DLC1: variants seen among roughly 807,000 people sequenced by gnomAD.
DLC1 encodes the protein rho GTPase-activating protein 7.
Under a neutral mutation model 140.3 loss-of-function variants are expected in DLC1, and 54 were observed. The observed-to-expected ratio is 0.38, with a 90% confidence interval of 0.31 to 0.48. The LOEUF is 0.48. DLC1 is among the 20% of genes least tolerant of loss of function. DLC1 has a pLI of 0.96. For synonymous variants in DLC1, 986 were observed against 728.1 expected, an observed-to-expected ratio of 1.35 and a Z score of -5.70; for missense variants, 2,536 against 1,907.0, an observed-to-expected ratio of 1.33 and a Z score of -6.14.
At chr8:13,457,524 A>G (rs1799451735) in intron 2 of DLC1, among the ~76,000 whole-genome samples, 1 of 151,820 alleles carries the variant, frequency 6.6e-6, no homozygotes. Context: ...CAAAACTACA[A>G]AAATTAGCCG....
chr8:13,586,046 C>G (rs1170240783), intron 1 of DLC1, among the ~76,000 whole-genome samples: 2 of 152,140 alleles, frequency 1.3e-5, no homozygotes, highest in East Asian at 1.9e-4. Context: ...TCAACCATGG[C>G]TGCACATTAT....
intron 5 of DLC1, among the ~76,000 whole-genome samples, chr8:13,190,054 CAA>C (rs1446880194): frequency 6.6e-6 from 1 of 152,138 alleles, no homozygotes; most frequent in Non-Finnish European, 1.5e-5. Flanking sequence ...CAAAAAACAT[CAA>C]AAGAAACAGA....
At chr8:13,139,162 C>T (rs748880988) in intron 5 of DLC1, among the ~76,000 whole-genome samples, 10 of 151,296 alleles carry the variant, frequency 6.6e-5, no homozygotes, top group African/African-American at 2.2e-4. Flanking sequence ...GCATGCTGCT[C>T]GCCTGTGTTC....
At chr8:13,370,693 G>A (rs1004358978) in intron 4 of DLC1, among the ~76,000 whole-genome samples, 1 of 152,158 alleles carries the variant, frequency 6.6e-6, no homozygotes, top group African/African-American at 2.4e-5. Flanking sequence ...TTTTTGTTCT[G>A]TCACTAAGCT....
intron 2 of DLC1, among the ~76,000 whole-genome samples, chr8:13,420,830 G>A (rs983967523): frequency 3.3e-5 from 5 of 152,060 alleles, no homozygotes; most frequent in Admixed American, 3.3e-4. Context: ...TATAATAAAT[G>A]GAGTGGCAAA....
chr8:13,299,377 G>T (rs1004585638), intron 5 of DLC1, among the ~76,000 whole-genome samples: 2 of 150,640 alleles, frequency 1.3e-5, no homozygotes, highest in African/African-American at 2.4e-5. Context: ...GAACCCAGGA[G>T]TTGGAGGTTG....
At chr8:13,458,750 A>G (rs918956795) in intron 2 of DLC1, among the ~76,000 whole-genome samples, 2 of 152,126 alleles carry the variant, frequency 1.3e-5, no homozygotes, top group African/African-American at 4.8e-5. Flanking sequence ...AGATTTGGGG[A>G]CACTGTCACT....
At chr8:13,325,565 CAG>C (rs1304449071) in intron 4 of DLC1, among the ~76,000 whole-genome samples, 2 of 152,096 alleles carry the variant, frequency 1.3e-5, no homozygotes, top group African/African-American at 4.8e-5. Context: ...GATCCTAAGG[CAG>C]AGACATAAAC....
intron 5 of DLC1, among the ~76,000 whole-genome samples, chr8:13,233,170 C>A (rs945807645): frequency 1.3e-5 from 2 of 151,812 alleles, no homozygotes; most frequent in African/African-American, 4.8e-5. Context: ...TGGTACACAC[C>A]TGTGATCCTA....
chr8:13,579,001 A>G (rs1428825972), intron 1 of DLC1, among the ~76,000 whole-genome samples: 4 of 151,616 alleles, frequency 2.6e-5, no homozygotes, highest in Non-Finnish European at 5.9e-5. Flanking sequence ...ACCGGCTCCC[A>G]TTCCGAGGCT....
At chr8:13,109,600 A>C (rs1819894643) in intron 7 of DLC1, among the ~76,000 whole-genome samples, 1 of 147,950 alleles carries the variant, frequency 6.8e-6, no homozygotes. Context: ...CAAAAAAAAA[A>C]CAGGCTGGGT....
chr8:13,137,133 G>T (rs6982268), intron 5 of DLC1, among the ~76,000 whole-genome samples: 50,465 of 151,906 alleles, frequency 0.33, 8,696 homozygotes, highest in Admixed American at 0.46. Flanking sequence ...ACAAGCGGGG[G>T]AAGGAAAGTG....
At chr8:13,210,743 G>A (rs1249437937) in intron 5 of DLC1, among the ~76,000 whole-genome samples, 3 of 152,168 alleles carry the variant, frequency 2.0e-5, no homozygotes, top group Non-Finnish European at 2.9e-5. Context: ...TGACTTGATA[G>A]TTAAATACAT....
intron 5 of DLC1, among the ~76,000 whole-genome samples, chr8:13,227,453 G>T (rs1369111462): frequency 6.6e-6 from 1 of 152,150 alleles, no homozygotes; most frequent in Admixed American, 6.5e-5. Context: ...AAAGAGGTTT[G>T]TGATTTGCCT....
Position 13,602,301 on chromosome 8 carries a change from T to C in DLC1, c.-126+2236A>G, listed in dbSNP as rs185693952. On this transcript the variant is annotated intron_variant, in intron 1 of 1. Coordinates refer to the DLC1 transcript ENST00000631382. ...CTCAAACAATCAATCAACTGCCATG[T>C]GTAGGCCTTATTTGGATGCTGATTT... 1.9e-3 allele frequency among the ~76,000 whole-genome samples: 285 copies of C among 151,932 alleles called. 1 individual carries two copies. The highest frequency in any genetic ancestry group is 3.5e-4 in the Non-Finnish European group (24 of 67,798).
At chr8:13,158,909 A>G (rs1824474400) in intron 5 of DLC1, among the ~76,000 whole-genome samples, 1 of 152,064 alleles carries the variant, frequency 6.6e-6, no homozygotes, top group South Asian at 2.1e-4. Flanking sequence ...CTAACACTGG[A>G]GTCTGGGTTG....
chr8:13,225,645 T>C (rs1828761135), intron 5 of DLC1, among the ~76,000 whole-genome samples: 1 of 150,094 alleles, frequency 6.7e-6, no homozygotes. Flanking sequence ...AGATGGAGTC[T>C]CACTCTGCTG....
intron 3 of DLC1, among the ~76,000 whole-genome samples, chr8:13,395,878 A>G (rs1837018602): frequency 1.3e-5 from 2 of 151,976 alleles, no homozygotes; most frequent in East Asian, 3.9e-4. Context: ...AGAAAAGACA[A>G]ACTACATTTT....
chr8:13,434,732 G>T (rs1331455018), intron 2 of DLC1, among the ~76,000 whole-genome samples: 1 of 152,208 alleles, frequency 6.6e-6, no homozygotes. Flanking sequence ...AGGCTGGAGT[G>T]CACTTGCAGT....
Sources: gnomAD v4.1 joint callset for allele counts (sites outside exome capture counted in the v4.1 genomes callset) on GRCh38, gnomAD v4.1.1 for gene constraint, MANE v1.5 for transcripts, NCBI Gene and HGNC (gene_info 2026-07-23, HGNC 2026-07-21) for gene names.